The following SMARCA5 variants were observed in gnomAD, a reference collection of about 807,000 sequenced individuals.
The protein encoded by SMARCA5 is SWI/SNF-related matrix-associated actin-dependent regulator of chromatin subfamily A member 5.
In SMARCA5, 18 loss-of-function variants were observed where a neutral mutation model predicts 140.4. The ratio of observed to expected loss-of-function variants is 0.13; its 90% CI spans 0.09 to 0.19. The LOEUF is 0.19. Among genes scored for constraint, SMARCA5 ranks in the 10% least tolerant of loss-of-function variants. SMARCA5 has a pLI of 1.00. For missense variants in SMARCA5, 606 were observed against 1,276.8 expected, an observed-to-expected ratio of 0.47 and a Z score of 8.01; for synonymous variants, 449 against 419.6, an observed-to-expected ratio of 1.07 and a Z score of -0.86.
chr4:143,549,628 C>T (rs932162900), intron 22 of SMARCA5, among the ~76,000 whole-genome samples: 1 of 152,092 alleles, frequency 6.6e-6, no homozygotes, highest in Admixed American at 6.6e-5. Flanking sequence ...GTTTTTGACC[C>T]TCACATATGT....
At chr4:143,545,342 A>G in intron 17 of SMARCA5, 128 bp from the exon 18 acceptor site, 2 of 666,048 alleles carry the variant, frequency 3.0e-6, no homozygotes, top group Non-Finnish European at 5.4e-6. Flanking sequence ...ATATAAATTC[A>G]GTTTTATTGA....
chr4:143,546,542 C>G (rs1315246065), intron 19 of SMARCA5, among the ~76,000 whole-genome samples: 2 of 152,040 alleles, frequency 1.3e-5, no homozygotes, highest in Non-Finnish European at 2.9e-5. Flanking sequence ...AAACTGTCAC[C>G]TTTTCATACA....
At chr4:143,543,751 C>A (rs985736218) in intron 15 of SMARCA5, 94 bp downstream of exon 15, 14 of 1,508,910 alleles carry the variant, frequency 9.3e-6, no homozygotes, top group Admixed American at 2.1e-5. Flanking sequence ...ATTTTATTTC[C>A]TTAAAGAGAA....
intron 8 of SMARCA5, 107 bp from the exon 9 acceptor site, chr4:143,530,351 G>GT (rs1050011617): frequency 2.0e-5 from 13 of 645,750 alleles, no homozygotes; most frequent in Non-Finnish European, 3.0e-5. Flanking sequence ...TTTTTTGTGG[G>GT]TTACAATTCA....
chr4:143,529,330 C>T (rs1233332409), intron 8 of SMARCA5, among the ~76,000 whole-genome samples: 1 of 152,148 alleles, frequency 6.6e-6, no homozygotes. Flanking sequence ...GTTTCAGTGG[C>T]TCTAGGTTGA....
At position 143,545,526 on chromosome 4, in the gene SMARCA5, T is replaced by A; in HGVS notation, c.2340T>A (p.Arg780=). 1 of 1,613,314 alleles carries A rather than the reference T, an allele frequency of 6.2e-7. No homozygotes were observed. Among genetic ancestry groups the A allele is most frequent in the Non-Finnish European group, 8.5e-7 (1 of 1,179,412 alleles). ...AGGATTTCCAGTTCTTTCCTCCACG[T>A]TTATTTGAATTACTGGAAAAAGAAA... ...NVQDFQFFPP[R]LFELLEKEIL... The change falls in exon 18 of 24, where the codon CGT becomes CGA. Residue 780 remains arginine, a synonymous_variant. Transcript: ENST00000283131.
In SMARCA5 at chr4:143,538,772, T is replaced by C. The variant is rs761212404; in HGVS notation, c.1618-14T>C. The C allele has an allele frequency of 1.6e-5, 26 of 1,613,192 alleles. No homozygotes were observed. The highest frequency in any genetic ancestry group is 3.3e-4 in the Middle Eastern group (2 of 6,080). On this transcript the variant is annotated splice_polypyrimidine_tract_variant and intron_variant, in intron 12 of 23. Coordinates refer to ENST00000283131, the MANE Select transcript of SMARCA5 (RefSeq NM_003601.4). ...CAGATAAATTTTTTGACAACCATTTTGTTTTATCCATAGGACTCCATCAAT... is the reference window on the plus strand; with the variant it reads ...CAGATAAATTTTTTGACAACCATTTCGTTTTATCCATAGGACTCCATCAAT...
chr4:143,548,757 A>T (rs1407490727), intron 22 of SMARCA5, among the ~76,000 whole-genome samples: 1 of 152,088 alleles, frequency 6.6e-6, no homozygotes, highest in Non-Finnish European at 1.5e-5. Context: ...GATGAGGATA[A>T]TGCTAATAAG....
At chr4:143,543,707 A>C in intron 15 of SMARCA5, 50 bp downstream of exon 15, 1 of 1,542,136 alleles carries the variant, frequency 6.5e-7, no homozygotes, top group Non-Finnish European at 8.8e-7. Flanking sequence ...TTTAGACCAG[A>C]AACAGGAAAT....
chr4:143,519,926 A>G (rs1736922689), intron 2 of SMARCA5, among the ~76,000 whole-genome samples: 2 of 151,900 alleles, frequency 1.3e-5, no homozygotes, highest in East Asian at 3.9e-4. Flanking sequence ...GCCTGTCTTT[A>G]TTTTCTTTCT....
chr4:143,551,341 T>G (rs1047932422), intron 23 of SMARCA5, among the ~76,000 whole-genome samples: 1 of 152,126 alleles, frequency 6.6e-6, no homozygotes, highest in East Asian at 1.9e-4. Context: ...AGTTTGCAAA[T>G]ATTTTCTTCC....
chr4:143,536,656 G>T lies in SMARCA5; in HGVS notation c.1473G>T (p.Leu491=). The T allele has an allele frequency of 1.1e-5, 18 of 1,612,242 alleles. No individual in the cohort carries two copies. The highest frequency in any genetic ancestry group is 1.5e-5 in the Non-Finnish European group (18 of 1,178,522). ...NSGKMVVLDK[L]LPKLKEQGSR... is the part of the protein sequence containing the mutation. ...GCAAAATGGTGGTTTTAGACAAGCT[G>T]CTCCCTAAGTTAAAAGAACAAGGTA... The change falls in exon 11 of 24, where the codon CTG becomes CTT. Residue 491 remains leucine, a synonymous_variant. Coordinates refer to ENST00000283131, the MANE Select transcript of SMARCA5 (RefSeq NM_003601.4).
In SMARCA5 at chr4:143,526,286, A is replaced by G; in HGVS notation, c.627A>G (p.Leu209=). The change falls in exon 6 of 24, where the codon CTA becomes CTG. Residue 209 remains leucine, a synonymous_variant. Coordinates refer to ENST00000283131, the MANE Select transcript of SMARCA5 (RefSeq NM_003601.4). ...INGILADEMG[L]GKTLQTISLL... is the part of the protein sequence containing the mutation. Reference sequence around the variant, plus strand: ...GTTATTTTGAAATCTTTCAGGGCCTAGGAAAGACTCTTCAAACAATTTCTC... The same window carrying G: ...GTTATTTTGAAATCTTTCAGGGCCTGGGAAAGACTCTTCAAACAATTTCTC... 1 of 1,613,254 alleles carries G rather than the reference A, an allele frequency of 6.2e-7. No homozygotes were observed. Among genetic ancestry groups the G allele is most frequent in the Non-Finnish European group, 8.5e-7 (1 of 1,179,368 alleles).
Position 143,555,164 on chromosome 4 carries a change from C to G in SMARCA5, c.*1980C>G. On this transcript the variant is annotated 3_prime_UTR_variant, in exon 24 of 24. Coordinates refer to ENST00000283131, the MANE Select transcript of SMARCA5 (RefSeq NM_003601.4). Reference sequence around the variant, plus strand: ...ACTGCTACTGGAACTGCCTTAGCCACCTTGGTATCGTGGTTTGGCAAAGTA... The same window carrying G: ...ACTGCTACTGGAACTGCCTTAGCCAGCTTGGTATCGTGGTTTGGCAAAGTA... 1 of 717,780 alleles carries G rather than the reference C, an allele frequency of 1.4e-6. No individual in the cohort carries two copies. The highest frequency in any genetic ancestry group is 2.6e-6 in the Non-Finnish European group (1 of 388,956). 44.5% of individuals were successfully genotyped at this position (717,780 alleles called of 1,614,324 possible).
chr4:143,539,995 T>C (rs1483363105), intron 13 of SMARCA5, among the ~76,000 whole-genome samples: 1 of 152,252 alleles, frequency 6.6e-6, no homozygotes, highest in Non-Finnish European at 1.5e-5. Context: ...TTGGGTAATA[T>C]TTAAAGGTTA....
At position 143,548,234 on chromosome 4, in the gene SMARCA5, A is replaced by G. The variant is rs921380262; in HGVS notation, c.2985+94A>G. On this transcript the variant is annotated intron_variant, in intron 22 of 23. Transcript: ENST00000283131. ...AAGGTGACTTTAAAAAAATCTATGA[A>G]GTAGACTTTTGTTACAATATTGTTA... 31 of 660,600 alleles carry G rather than the reference A, an allele frequency of 4.7e-5. No individual in the cohort carries two copies. In the Admixed American group the frequency reaches 7.2e-4, roughly 15 times the overall value. The allele number at this position is 660,600 out of a possible 1,614,324, so 40.9% of individuals were successfully genotyped here. A position where few individuals can be genotyped will look rare whatever the true frequency, so the allele number is the denominator to read the frequency against.
chr4:143,535,545 A>G (rs908403738), intron 10 of SMARCA5, among the ~76,000 whole-genome samples: 2 of 152,200 alleles, frequency 1.3e-5, no homozygotes, highest in African/African-American at 4.8e-5. Context: ...GTAAGAGGTT[A>G]TCTGTAGAAG....
intron 13 of SMARCA5, 79 bp downstream of exon 13, chr4:143,539,017 G>T (rs1464220496): frequency 1.6e-6 from 2 of 1,231,408 alleles, no homozygotes; most frequent in East Asian, 2.3e-5. Flanking sequence ...AAATATCAGT[G>T]ACTTAACCCA....
intron 1 of SMARCA5, 22 bp downstream of exon 1, chr4:143,514,123 G>C (rs1245213177): frequency 4.0e-6 from 6 of 1,511,992 alleles, no homozygotes; most frequent in Non-Finnish European, 5.3e-6. Flanking sequence ...TTGCGGCATG[G>C]GGAGCGGGTG....
Sources: allele counts gnomAD v4.1 joint callset (sites outside exome capture counted in the v4.1 genomes callset), GRCh38; gene constraint gnomAD v4.1.1; transcripts MANE v1.5; gene names NCBI Gene and HGNC (gene_info 2026-07-23, HGNC 2026-07-21).